The following RTN4IP1 variants were observed in gnomAD, a reference collection of about 807,000 sequenced individuals.
RTN4IP1 encodes NAD(P)H oxidoreductase RTN4IP1, mitochondrial.
RTN4IP1 carries 32 observed loss-of-function variants against 46.6 expected under a neutral mutation model. That is an observed-to-expected ratio of 0.69 (90% CI 0.52 to 0.92). The LOEUF is 0.92. Ranked by LOEUF, RTN4IP1 falls within the 40% of genes least tolerant of loss-of-function variation. RTN4IP1 has a pLI of 0.00. For missense variants in RTN4IP1, 424 were observed against 485.8 expected, an observed-to-expected ratio of 0.87 and a Z score of 1.20; for synonymous variants, 167 against 161.8, an observed-to-expected ratio of 1.03 and a Z score of -0.24.
chr6:106,618,602 A>C (rs1214779783), intron 4 of RTN4IP1, among the ~76,000 whole-genome samples: 1 of 152,204 alleles, frequency 6.6e-6, no homozygotes, highest in Non-Finnish European at 1.5e-5. Flanking sequence ...CAGAATCTAC[A>C]TATAAACTCA....
intron 5 of RTN4IP1, among the ~76,000 whole-genome samples, chr6:106,600,972 T>C (rs953284545): frequency 6.6e-6 from 1 of 152,158 alleles, no homozygotes; most frequent in African/African-American, 2.4e-5. Flanking sequence ...CTGGGTCATA[T>C]GGTAATTCTA....
chr6:106,582,247 A>G (rs1240716497), intron 8 of RTN4IP1, among the ~76,000 whole-genome samples: 1 of 152,248 alleles, frequency 6.6e-6, no homozygotes, highest in Non-Finnish European at 1.5e-5. Flanking sequence ...AAGATGAAAT[A>G]TGCCAGCAAG....
chr6:106,594,958 C>T (rs796527530), intron 5 of RTN4IP1, among the ~76,000 whole-genome samples: 4 of 152,108 alleles, frequency 2.6e-5, no homozygotes, highest in African/African-American at 7.2e-5. Flanking sequence ...CGTCACACCA[C>T]GCCTGGCTAA....
chr6:106,624,896 A>T (rs1422491951), intron 1 of RTN4IP1, among the ~76,000 whole-genome samples: 1 of 148,268 alleles, frequency 6.7e-6, no homozygotes, highest in Non-Finnish European at 1.5e-5. Flanking sequence ...TGATCACACC[A>T]CTGCACTCCA....
intron 5 of RTN4IP1, among the ~76,000 whole-genome samples, chr6:106,600,923 T>C (rs1195263749): frequency 6.6e-6 from 1 of 152,082 alleles, no homozygotes; most frequent in Non-Finnish European, 1.5e-5. Flanking sequence ...TAAATATATG[T>C]TTTCATTTCT....
intron 6 of RTN4IP1, among the ~76,000 whole-genome samples, chr6:106,589,269 AAGAAGAAGG>A (rs1276904115): frequency 2.1e-3 from 35 of 16,674 alleles, no homozygotes; most frequent in African/African-American, 3.3e-3. Context: ...GGAGAAGGAG[AAGAAGAAGG>A]AGAAGAAGAA....
At chr6:106,619,449 G>C (rs1776429169) in intron 3 of RTN4IP1, 123 bp from the exon 4 acceptor site, 2 of 1,128,426 alleles carry the variant, frequency 1.8e-6, no homozygotes, top group Admixed American at 5.2e-5. Flanking sequence ...AATTGTGCAA[G>C]TCCACTTATA....
intron 8 of RTN4IP1, among the ~76,000 whole-genome samples, chr6:106,576,017 G>A (rs763579674): frequency 2.0e-5 from 3 of 152,188 alleles, no homozygotes; most frequent in African/African-American, 7.2e-5. Context: ...CCTGTGGACA[G>A]GCACCAGGAC....
In RTN4IP1 at chr6:106,629,457, TC is replaced by T; in HGVS notation, c.-437del. The stretch of plus-strand genomic sequence containing the variant: ...GCCGCCGCGACCCTGGCCCGGAATC[TC>T]CTTGCCTGCCCGCTCTCCTTAGCCG... On this transcript the variant is annotated 5_prime_UTR_variant, in exon 1 of 9. Transcript: ENST00000369063. The T allele has an allele frequency of 1.6e-6, 1 of 623,820 alleles. No homozygotes were observed. The highest frequency in any genetic ancestry group is 2.0e-5 in the South Asian group (1 of 49,318). 38.6% of individuals were successfully genotyped at this position (623,820 alleles called of 1,614,324 possible).
chr6:106,615,018 T>C (rs1478906037), intron 4 of RTN4IP1, among the ~76,000 whole-genome samples: 1 of 128,084 alleles, frequency 7.8e-6, no homozygotes, highest in East Asian at 2.6e-4. Context: ...TTCATTTCCA[T>C]CACACTGACC....
At position 106,628,917 on chromosome 6, in the gene RTN4IP1, A is replaced by T. The variant is rs1386092889; in HGVS notation, c.105T>A (p.Thr35=). The change falls in exon 1 of 9, where the codon ACT becomes ACA. Residue 35 remains threonine, a synonymous_variant. Coordinates refer to ENST00000369063, the MANE Select transcript of RTN4IP1 (RefSeq NM_032730.5). ...GCATGACAGTGCTCCTAGGAGAGGTAGTACTAATCCTTCTAACTGAAGGCT... is the reference window on the plus strand; with the variant it reads ...GCATGACAGTGCTCCTAGGAGAGGTTGTACTAATCCTTCTAACTGAAGGCT... ...VQKPSVRRIS[T]TSPRSTVMPA... The T allele has an allele frequency of 6.2e-7, 1 of 1,613,966 alleles. No individual in the cohort carries two copies. Among genetic ancestry groups the T allele is most frequent in the Non-Finnish European group, 8.5e-7 (1 of 1,179,814 alleles).
At chr6:106,579,614 T>C (rs1775309890) in intron 8 of RTN4IP1, among the ~76,000 whole-genome samples, 1 of 151,802 alleles carries the variant, frequency 6.6e-6, no homozygotes. Context: ...AAAGCAAAGG[T>C]AGGGTTGTTG....
At chr6:106,578,666 T>G (rs1377165809) in intron 8 of RTN4IP1, among the ~76,000 whole-genome samples, 1 of 152,188 alleles carries the variant, frequency 6.6e-6, no homozygotes, top group African/African-American at 2.4e-5. Context: ...CAGGGCTCCT[T>G]GGCTGTGTGG....
At chr6:106,599,978 C>T (rs1775901947) in intron 5 of RTN4IP1, among the ~76,000 whole-genome samples, 1 of 151,854 alleles carries the variant, frequency 6.6e-6, no homozygotes, top group African/African-American at 2.4e-5. Flanking sequence ...TCCCTCTTTT[C>T]CTTTCTTCTA....
At chr6:106,601,565 A>C (rs563999183) in intron 5 of RTN4IP1, among the ~76,000 whole-genome samples, 1 of 151,732 alleles carries the variant, frequency 6.6e-6, no homozygotes, top group South Asian at 2.1e-4. Context: ...AGAGTTTTAC[A>C]GTTTTAGCTC....
At chr6:106,595,988 G>C (rs1050468907) in intron 5 of RTN4IP1, among the ~76,000 whole-genome samples, 23 of 152,142 alleles carry the variant, frequency 1.5e-4, no homozygotes, top group Admixed American at 1.5e-3. Context: ...AAAGTATCAT[G>C]AACTCATGGA....
chr6:106,590,341 A>C (rs1775621347), intron 6 of RTN4IP1, among the ~76,000 whole-genome samples: 1 of 151,458 alleles, frequency 6.6e-6, no homozygotes, highest in Admixed American at 6.6e-5. Flanking sequence ...AAAAAAACAA[A>C]ACAAAACCCC....
At chr6:106,603,556 C>T (rs1410442984) in intron 4 of RTN4IP1, among the ~76,000 whole-genome samples, 1 of 150,738 alleles carries the variant, frequency 6.6e-6, no homozygotes, top group Non-Finnish European at 1.5e-5. Context: ...GAGGGTGGGG[C>T]GGGACAAGGG....
intron 8 of RTN4IP1, among the ~76,000 whole-genome samples, chr6:106,581,941 G>C (rs1285483664): frequency 6.6e-6 from 1 of 152,166 alleles, no homozygotes; most frequent in Non-Finnish European, 1.5e-5. Context: ...GCACTTACTT[G>C]ATGATACTTC....
Sources: gnomAD v4.1 joint callset for allele counts (sites outside exome capture counted in the v4.1 genomes callset) on GRCh38, gnomAD v4.1.1 for gene constraint, MANE v1.5 for transcripts, NCBI Gene and HGNC (gene_info 2026-07-23, HGNC 2026-07-21) for gene names.